The following RPS19 variants were observed in gnomAD, a reference collection of about 807,000 sequenced individuals.
The protein encoded by RPS19 is small ribosomal subunit protein eS19.
RPS19 carries 1 observed loss-of-function variant against 20.3 expected under a neutral mutation model. The ratio of observed to expected loss-of-function variants is 0.05; its 90% CI spans 0.02 to 0.23. The LOEUF (loss-of-function observed/expected upper bound fraction) is 0.23. RPS19 is among the 10% of genes least tolerant of loss of function. RPS19 has a pLI of 1.00. For missense variants in RPS19, 111 were observed against 192.7 expected, an observed-to-expected ratio of 0.58 and a Z score of 2.51; for synonymous variants, 87 against 74.8, an observed-to-expected ratio of 1.16 and a Z score of -0.84.
At chr19:41,866,146 G>T (rs1355059906) in intron 3 of RPS19, among the ~76,000 whole-genome samples, 7 of 150,858 alleles carry the variant, frequency 4.6e-5, no homozygotes, top group African/African-American at 1.7e-4. Context: ...CCAGCTACTC[G>T]GGAGGCTGAG....
chr19:41,862,120 T>G (rs1331495286), intron 3 of RPS19, among the ~76,000 whole-genome samples: 1 of 152,096 alleles, frequency 6.6e-6, no homozygotes, highest in Non-Finnish European at 1.5e-5. Context: ...TGTCTCCAGA[T>G]AAGAAGTAGG....
At position 41,871,536 on chromosome 19, in the gene RPS19, C is replaced by T; in HGVS notation, c.*159C>T. On this transcript the variant is annotated 3_prime_UTR_variant, in exon 6 of 6. Transcript: ENST00000598742. ...GGTTCAAATGATTCTCCTGCCTCAG[C>T]CTCCCAAAGTGCTGGGATTACAAGT... The T allele has an allele frequency of 1.5e-6, 1 of 685,846 alleles. No individual in the cohort carries two copies. The allele number at this position is 685,846 out of a possible 1,614,324, so 42.5% of individuals were successfully genotyped here.
rs139616904 is a variant in RPS19 at position 41,869,702 on chromosome 19, C to T, written c.360C>T (p.Gly120=). 2 of 1,614,084 alleles carry T rather than the reference C, an allele frequency of 1.2e-6. No individual in the cohort carries two copies. Among genetic ancestry groups the T allele is most frequent in the Non-Finnish European group, 1.7e-6 (2 of 1,180,000 alleles). Residue 120 remains glycine, a synonymous_variant, in exon 5 of 6, where the codon GGC becomes GGT. Transcript: ENST00000598742. ...LKMVEKDQDG[G]RKLTPQGQRD... ...CATGACCCTTCCCTCCCCACAGCGG[C>T]CGCAAACTGACACCTCAGGGACAAA... is the stretch of plus-strand genomic sequence containing the variant.
At chr19:41,870,583 A>G (rs1054992330) in intron 5 of RPS19, among the ~76,000 whole-genome samples, 1 of 152,080 alleles carries the variant, frequency 6.6e-6, no homozygotes, top group Non-Finnish European at 1.5e-5. Context: ...TCAGTGAGCT[A>G]TAGTACAGCA....
chr19:41,870,408 G>A (rs1330152680), intron 5 of RPS19, among the ~76,000 whole-genome samples: 2 of 152,112 alleles, frequency 1.3e-5, no homozygotes, highest in African/African-American at 4.8e-5. Flanking sequence ...TGGGAGAGGT[G>A]GAGATAAGGG....
At chr19:41,867,731 G>A (rs1437111452) in intron 3 of RPS19, among the ~76,000 whole-genome samples, 1 of 151,994 alleles carries the variant, frequency 6.6e-6, no homozygotes, top group African/African-American at 2.4e-5. Context: ...CTTAAGCCCA[G>A]GAGTTCGAGG....
chr19:41,868,264 C>T (rs1240060760), intron 3 of RPS19, among the ~76,000 whole-genome samples: 1 of 152,038 alleles, frequency 6.6e-6, no homozygotes, highest in Non-Finnish European at 1.5e-5. Context: ...CAGGGCAGTT[C>T]CTCCAGAGCT....
intron 3 of RPS19, among the ~76,000 whole-genome samples, chr19:41,861,760 A>G (rs1216745572): frequency 2.6e-5 from 4 of 152,222 alleles, no homozygotes; most frequent in African/African-American, 4.8e-5. Flanking sequence ...CCATATCTCT[A>G]ACAGGCTGTT....
At chr19:41,862,388 A>G (rs113881494) in intron 3 of RPS19, among the ~76,000 whole-genome samples, 3,486 of 152,176 alleles carry the variant, frequency 0.023, 142 homozygotes, top group African/African-American at 0.078. Context: ...CCACCTACCC[A>G]CCGTTTGTTT....
intron 5 of RPS19, 138 bp from the exon 6 acceptor site, chr19:41,871,213 G>C: frequency 1.3e-6 from 1 of 795,730 alleles, no homozygotes; most frequent in Non-Finnish European, 2.3e-6. Flanking sequence ...AATACCCACA[G>C]TGAGAATTAG....
In RPS19 at chr19:41,871,730, G is replaced by A. The variant is rs564854263; in HGVS notation, c.*353G>A. The A allele has an allele frequency of 6.4e-6, 2 of 314,308 alleles. No individual in the cohort carries two copies. The highest frequency in any genetic ancestry group is 2.2e-5 in the African/African-American group (1 of 46,328). 19.5% of individuals were successfully genotyped at this position (314,308 alleles called of 1,614,324 possible). The stretch of plus-strand genomic sequence containing the variant: ...GGTCAAACAGTTCCCATCTGGGTTT[G>A]GAGGAAGGACCCAGGGGCCCTTGTG... On this transcript the variant is annotated 3_prime_UTR_variant, in exon 6 of 6. Coordinates refer to ENST00000598742, the MANE Select transcript of RPS19 (RefSeq NM_001022.4).
chr19:41,867,104 C>A (rs77080563), intron 3 of RPS19, among the ~76,000 whole-genome samples: 1 of 151,898 alleles, frequency 6.6e-6, no homozygotes, highest in Non-Finnish European at 1.5e-5. Flanking sequence ...GTTCACTTCA[C>A]TCCAGGAGTT....
At chr19:41,864,261 ACTT>A (rs782380010) in intron 3 of RPS19, 1 of 152,366 alleles carries the variant, frequency 6.6e-6, no homozygotes, top group East Asian at 1.9e-4. Context: ...GTCTGGAAAC[ACTT>A]CTTGTAGGTT....
Position 41,870,849 on chromosome 19 carries a change from C to CTTTTTTTT in RPS19, c.412-478_412-471dup, listed in dbSNP as rs35987051. On this transcript the variant is annotated intron_variant, in intron 5 of 5. Transcript: ENST00000598742. ...TGGACTCCACTCCGCCACTCCCTTC[C>CTTTTTTTT]TTTTTTTTTTTTTTTTTTTTTTTTT... 8.2e-4 allele frequency among the ~76,000 whole-genome samples: 36 copies of CTTTTTTTT among 44,022 alleles called. 1 individual carries two copies. The highest frequency in any genetic ancestry group is 2.7e-3 in the African/African-American group (29 of 10,862). The allele number at this position is 44,022 out of a possible 152,430, so 28.9% of individuals were successfully genotyped here. A position where few individuals can be genotyped will look rare whatever the true frequency, so the allele number is the denominator to read the frequency against.
At chr19:41,863,490 A>G (rs2123266150) in intron 3 of RPS19, among the ~76,000 whole-genome samples, 1 of 151,972 alleles carries the variant, frequency 6.6e-6, no homozygotes, top group Admixed American at 6.6e-5. Flanking sequence ...CCTTTTTTCT[A>G]CTCATAAGAG....
chr19:41,871,507 T>G lies in RPS19; in HGVS notation c.*130T>G, dbSNP rs1310304541. ...TCTCAGCTCACTGCAATCTCCGCCTTCTGGGTTCAAATGATTCTCCTGCCT... is the reference window on the plus strand; with the variant it reads ...TCTCAGCTCACTGCAATCTCCGCCTGCTGGGTTCAAATGATTCTCCTGCCT... On this transcript the variant is annotated 3_prime_UTR_variant, in exon 6 of 6. Transcript: ENST00000598742. The G allele has an allele frequency of 2.5e-5, 20 of 787,132 alleles. No homozygotes were observed. The South Asian group carries it at 2.7e-4, about 11-fold the overall frequency. 48.8% of individuals were successfully genotyped at this position (787,132 alleles called of 1,614,324 possible).
At chr19:41,871,252 T>A (rs531199389) in intron 5 of RPS19, 99 bp from the exon 6 acceptor site, 202 of 982,944 alleles carry the variant, frequency 2.1e-4, no homozygotes, top group Non-Finnish European at 3.1e-4. Context: ...AAACCACAAA[T>A]CGGGGTGCCC....
At chr19:41,865,904 ACG>A (rs1555840365) in intron 3 of RPS19, among the ~76,000 whole-genome samples, 6 of 129,124 alleles carry the variant, frequency 4.6e-5, no homozygotes, top group South Asian at 2.8e-4. Context: ...AGCTGAGATC[ACG>A]CCACTGCACT....
At chr19:41,868,222 A>G (rs1401775787) in intron 3 of RPS19, among the ~76,000 whole-genome samples, 1 of 152,176 alleles carries the variant, frequency 6.6e-6, no homozygotes, top group African/African-American at 2.4e-5. Flanking sequence ...TGCTTCCTGC[A>G]TGTGGGCCCC....
Sources: allele counts gnomAD v4.1 joint callset (sites outside exome capture counted in the v4.1 genomes callset), GRCh38; gene constraint gnomAD v4.1.1; transcripts MANE v1.5; gene names NCBI Gene and HGNC (gene_info 2026-07-23, HGNC 2026-07-21).